Variants in TMEFF2 observed in about 807,000 individuals in gnomAD.
TMEFF2 encodes the protein transmembrane protein with EGF like and two follistatin like domains 2, also known as tomoregulin-2.
In TMEFF2, 28 loss-of-function variants were observed where a neutral mutation model predicts 53.8. That is an observed-to-expected ratio of 0.52 (90% CI 0.39 to 0.71). TMEFF2 has a LOEUF of 0.71. Among genes scored for constraint, TMEFF2 ranks in the 30% least tolerant of loss-of-function variants. TMEFF2 has a pLI of 0.00. For missense variants in TMEFF2, 353 were observed against 455.2 expected (o/e 0.78, Z 2.04); for synonymous variants, 162 against 166.3 (o/e 0.97, Z 0.20).
chr2:191,978,459 TAA>T (rs370967849), intron 7 of TMEFF2, among the ~76,000 whole-genome samples: 1 of 143,076 alleles, frequency 7.0e-6, no homozygotes, highest in Non-Finnish European at 1.5e-5. Context: ...TCAGCCCTAT[TAA>T]AAAAAAAAAA....
chr2:192,150,374 A>C (rs963763132), intron 4 of TMEFF2, among the ~76,000 whole-genome samples: 1 of 151,886 alleles, frequency 6.6e-6, no homozygotes, highest in African/African-American at 2.4e-5. Context: ...ATTCACTTGT[A>C]TCAAGCCTTG....
chr2:192,113,857 T>C (rs1386277864), intron 4 of TMEFF2, among the ~76,000 whole-genome samples: 2 of 152,100 alleles, frequency 1.3e-5, no homozygotes, highest in African/African-American at 4.8e-5. Flanking sequence ...GCAAGAACTA[T>C]TATTATCCCC....
chr2:192,125,940 G>A (rs1574395464), intron 4 of TMEFF2, among the ~76,000 whole-genome samples: 2 of 152,314 alleles, frequency 1.3e-5, no homozygotes, highest in South Asian at 2.1e-4. Context: ...CCTAGGTGAT[G>A]GGTGGATCTG....
chr2:192,060,777 A>G (rs1688025557), intron 4 of TMEFF2, among the ~76,000 whole-genome samples: 1 of 152,182 alleles, frequency 6.6e-6, no homozygotes, highest in Non-Finnish European at 1.5e-5. Flanking sequence ...AAATTCATTT[A>G]TCTTAAAGTA....
At chr2:191,965,846 A>C (rs970783123) in intron 7 of TMEFF2, among the ~76,000 whole-genome samples, 24 of 152,230 alleles carry the variant, frequency 1.6e-4, no homozygotes, top group African/African-American at 5.8e-4. Flanking sequence ...CTGTCTCCTC[A>C]GTCTGGGCTC....
At chr2:192,149,794 C>T (rs1690341045) in intron 4 of TMEFF2, among the ~76,000 whole-genome samples, 1 of 151,932 alleles carries the variant, frequency 6.6e-6, no homozygotes, top group South Asian at 2.1e-4. Context: ...GTCTATCTTA[C>T]ACGTACCATT....
chr2:192,043,626 C>G (rs1250849235), intron 5 of TMEFF2: 1 of 152,198 alleles, frequency 6.6e-6, no homozygotes, highest in Non-Finnish European at 1.5e-5. Flanking sequence ...TCCAGTGGGT[C>G]CCTGAACCTA....
chr2:192,103,237 C>A (rs978960291), intron 4 of TMEFF2, among the ~76,000 whole-genome samples: 4 of 152,148 alleles, frequency 2.6e-5, no homozygotes, highest in Admixed American at 6.6e-5. Flanking sequence ...TTATGAATAT[C>A]ACTATCCCAA....
At chr2:191,977,195 A>C (rs960382442) in intron 7 of TMEFF2, among the ~76,000 whole-genome samples, 3 of 152,260 alleles carry the variant, frequency 2.0e-5, no homozygotes, top group African/African-American at 4.8e-5. Flanking sequence ...CAATAGACAC[A>C]AAAAACTTAG....
intron 4 of TMEFF2, among the ~76,000 whole-genome samples, chr2:192,092,027 C>T (rs1192001724): frequency 6.7e-6 from 1 of 149,914 alleles, no homozygotes; most frequent in East Asian, 1.9e-4. Flanking sequence ...CAACTGATGT[C>T]TAGGTACTTG....
At chr2:191,972,692 C>T (rs959302599) in intron 7 of TMEFF2, among the ~76,000 whole-genome samples, 1 of 152,050 alleles carries the variant, frequency 6.6e-6, no homozygotes, top group African/African-American at 2.4e-5. Context: ...TGAATATGAC[C>T]TGTTTATGTA....
At chr2:192,104,296 T>C (rs552045151) in intron 4 of TMEFF2, among the ~76,000 whole-genome samples, 33 of 152,122 alleles carry the variant, frequency 2.2e-4, no homozygotes, top group Non-Finnish European at 4.7e-4. Context: ...ATGCTGTTAT[T>C]CAGAGAAAGG....
chr2:192,127,998 A>G (rs1344386090), intron 4 of TMEFF2, among the ~76,000 whole-genome samples: 1 of 152,176 alleles, frequency 6.6e-6, no homozygotes, highest in Admixed American at 6.5e-5. Flanking sequence ...CCTAAGTCAC[A>G]CAATTCTACT....
intron 4 of TMEFF2, among the ~76,000 whole-genome samples, chr2:192,063,128 T>C (rs1425858955): frequency 1.3e-5 from 2 of 152,112 alleles, no homozygotes; most frequent in East Asian, 3.9e-4. Context: ...TTTCTTAAAA[T>C]GGAAGTAGAA....
intron 5 of TMEFF2, chr2:192,036,878 T>C (rs373661704): frequency 1.1e-4 from 17 of 152,340 alleles, no homozygotes; most frequent in African/African-American, 4.1e-4. Context: ...TTAAGTAGCA[T>C]CCCTTTCTCC....
chr2:191,994,576 C>CACACATATAT (rs935261512), intron 7 of TMEFF2, among the ~76,000 whole-genome samples: 12 of 151,858 alleles, frequency 7.9e-5, no homozygotes, highest in African/African-American at 2.9e-4. Flanking sequence ...GACACACACA[C>CACACATATAT]ACACATATAT....
chr2:192,106,185 T>C (rs1285836184), intron 4 of TMEFF2, among the ~76,000 whole-genome samples: 2 of 151,738 alleles, frequency 1.3e-5, no homozygotes, highest in Non-Finnish European at 3.0e-5. Flanking sequence ...TAGGCATTCA[T>C]TAAAAATAAT....
intron 4 of TMEFF2, among the ~76,000 whole-genome samples, chr2:192,090,976 T>C (rs574794921): frequency 6.6e-6 from 1 of 152,290 alleles, no homozygotes; most frequent in South Asian, 2.1e-4. Context: ...CCACGAACTC[T>C]AATGCTCCAC....
intron 4 of TMEFF2, among the ~76,000 whole-genome samples, chr2:192,094,232 T>C (rs893003282): frequency 6.6e-6 from 1 of 152,192 alleles, no homozygotes; most frequent in Non-Finnish European, 1.5e-5. Flanking sequence ...TTGAGTACAA[T>C]TGTGGCTTAC....
Sources: gnomAD v4.1 joint callset for allele counts (sites outside exome capture counted in the v4.1 genomes callset) on GRCh38, gnomAD v4.1.1 for gene constraint, MANE v1.5 for transcripts, NCBI Gene and HGNC (gene_info 2026-07-23, HGNC 2026-07-21) for gene names.